The following KAZN variants were observed in gnomAD, a reference collection of about 807,000 sequenced individuals.
KAZN encodes kazrin.
Under a neutral mutation model 87.4 loss-of-function variants are expected in KAZN, and 40 were observed. The ratio of observed to expected loss-of-function variants is 0.46; its 90% CI spans 0.36 to 0.60. The LOEUF is 0.60. KAZN is among the 20% of genes least tolerant of loss of function. KAZN has a pLI of 0.00. For synonymous variants in KAZN, 466 were observed against 458.3 expected (o/e 1.02, Z -0.22); for missense variants, 898 against 1,073.9 (o/e 0.84, Z 2.29).
intron 1 of KAZN, among the ~76,000 whole-genome samples, chr1:14,067,641 C>G (rs183209511): frequency 1.3e-5 from 2 of 152,094 alleles, no homozygotes; most frequent in African/African-American, 4.8e-5. Context: ...TGTCCCCCCC[C>G]ATACTGCTTC....
intron 2 of KAZN, among the ~76,000 whole-genome samples, chr1:14,583,701 T>G (rs1473968944): frequency 6.6e-6 from 1 of 152,188 alleles, no homozygotes; most frequent in East Asian, 1.9e-4. Context: ...TGGCTGATAT[T>G]CCTGGTCTTG....
At chr1:13,955,212 G>A (rs569226387) in intron 1 of KAZN, among the ~76,000 whole-genome samples, 9 of 152,066 alleles carry the variant, frequency 5.9e-5, no homozygotes, top group South Asian at 2.1e-4. Context: ...GTTGTCTGTC[G>A]TGGTATTTCA....
chr1:14,695,508 A>ATTTTTTTTTTTTTTTTT (rs1230082930), intron 1 of KAZN, among the ~76,000 whole-genome samples: 1 of 67,782 alleles, frequency 1.5e-5, no homozygotes, highest in Non-Finnish European at 3.3e-5. Flanking sequence ...ACTACATTCC[A>ATTTTTTTTTTTTTTTTT]TCTTTTTTTT....
chr1:15,064,876 A>G (rs780106846), intron 7 of KAZN, among the ~76,000 whole-genome samples: 83 of 152,174 alleles, frequency 5.5e-4, no homozygotes, highest in Non-Finnish European at 1.1e-3. Flanking sequence ...GGCCGAGTGC[A>G]TGGACATCCT....
intron 2 of KAZN, among the ~76,000 whole-genome samples, chr1:14,232,345 A>G (rs762542085): frequency 6.6e-6 from 1 of 152,166 alleles, no homozygotes; most frequent in Non-Finnish European, 1.5e-5. Context: ...AAATATTGAA[A>G]AAAGTTAGTA....
intron 2 of KAZN, among the ~76,000 whole-genome samples, chr1:14,198,806 G>A (rs972880702): frequency 5.3e-5 from 8 of 152,100 alleles, no homozygotes; most frequent in African/African-American, 1.9e-4. Context: ...ACCCTCTAAG[G>A]TAGGGTTGTC....
chr1:14,065,285 G>T (rs1393687746), intron 1 of KAZN, among the ~76,000 whole-genome samples: 1 of 152,132 alleles, frequency 6.6e-6, no homozygotes, highest in African/African-American at 2.4e-5. Flanking sequence ...AAATGGGCTG[G>T]GGTGAATTTT....
Position 15,096,197 on chromosome 1 carries a change from G to C in KAZN, c.1547+1264G>C, listed in dbSNP as rs2100690296. On this transcript the variant is annotated intron_variant, in intron 10 of 14. Transcript: ENST00000376030. This position sits in a 1 kb window ranked among gnomAD's most constrained non-coding sequence, Gnocchi z 4.5. Reference sequence around the variant, plus strand: ...TGCCCCCTTACCCCACACCCAGCAGGGTCCATAAACACTGCCTGTGTTCAA... The same window carrying C: ...TGCCCCCTTACCCCACACCCAGCAGCGTCCATAAACACTGCCTGTGTTCAA... Among the ~76,000 whole-genome samples, 2 of 152,262 alleles carry C rather than the reference G, an allele frequency of 1.3e-5. No individual in the cohort carries two copies. The highest frequency in any genetic ancestry group is 6.8e-3 in the Middle Eastern group (2 of 294).
intron 1 of KAZN, among the ~76,000 whole-genome samples, chr1:14,796,061 C>T (rs1237524600): frequency 6.6e-6 from 1 of 152,188 alleles, no homozygotes; most frequent in East Asian, 1.9e-4. Flanking sequence ...CTATCCTCTG[C>T]CTGAGGTAGG....
intron 2 of KAZN, among the ~76,000 whole-genome samples, chr1:14,495,683 T>G: frequency 6.6e-6 from 1 of 152,306 alleles, no homozygotes. Context: ...CCTTCTTTAT[T>G]AGAAGTAGCC....
chr1:14,179,892 T>C (rs1191980899), intron 1 of KAZN, among the ~76,000 whole-genome samples: 2 of 152,186 alleles, frequency 1.3e-5, no homozygotes, highest in Non-Finnish European at 2.9e-5. Context: ...GTAAGTGCTA[T>C]GGGAATTATA....
At chr1:14,150,967 C>CAA (rs1645460007) in intron 1 of KAZN, among the ~76,000 whole-genome samples, 1 of 151,022 alleles carries the variant, frequency 6.6e-6, no homozygotes, top group Non-Finnish European at 1.5e-5. Context: ...CATTGTCATA[C>CAA]ACACACACAC....
intron 2 of KAZN, among the ~76,000 whole-genome samples, chr1:14,533,329 G>C (rs923821035): frequency 6.6e-6 from 1 of 152,198 alleles, no homozygotes; most frequent in Non-Finnish European, 1.5e-5. Context: ...CTAGCAACTA[G>C]AGACAGAAAA....
intron 2 of KAZN, among the ~76,000 whole-genome samples, chr1:14,520,167 C>A (rs934287312): frequency 6.6e-6 from 1 of 152,076 alleles, no homozygotes; most frequent in Non-Finnish European, 1.5e-5. Context: ...CCAGTGGTGT[C>A]CAGTCCTGGC....
chr1:14,070,894 C>T (rs1265138505), intron 1 of KAZN, among the ~76,000 whole-genome samples: 2 of 152,058 alleles, frequency 1.3e-5, no homozygotes, highest in Admixed American at 6.6e-5. Context: ...ATCGAGGTAT[C>T]GTCATTCCAT....
chr1:14,535,901 C>T (rs1219250910), intron 2 of KAZN, among the ~76,000 whole-genome samples: 3 of 152,210 alleles, frequency 2.0e-5, no homozygotes, highest in South Asian at 2.1e-4. Flanking sequence ...ATTGTGGGAC[C>T]AAATCAGGAA....
At chr1:13,979,064 C>A (rs1017834872) in intron 1 of KAZN, among the ~76,000 whole-genome samples, 1 of 151,726 alleles carries the variant, frequency 6.6e-6, no homozygotes. Context: ...CCACTATACT[C>A]CAGCCTTGGT....
At chr1:14,249,868 G>GA (rs111284230) in intron 2 of KAZN, among the ~76,000 whole-genome samples, 4,615 of 146,638 alleles carry the variant, frequency 0.031, 213 homozygotes, top group African/African-American at 0.099. Flanking sequence ...AATACTAAGT[G>GA]AAAAAAAAAA....
At chr1:13,970,383 G>A (rs139835206) in intron 1 of KAZN, among the ~76,000 whole-genome samples, 1 of 152,302 alleles carries the variant, frequency 6.6e-6, no homozygotes. Flanking sequence ...GGAAAGATAT[G>A]CTCTTATTAT....
Sources: allele counts gnomAD v4.1 joint callset (sites outside exome capture counted in the v4.1 genomes callset), GRCh38; gene constraint gnomAD v4.1.1; non-coding constraint Gnocchi (gnomAD v3.1); transcripts MANE v1.5; gene names NCBI Gene and HGNC (gene_info 2026-07-23, HGNC 2026-07-21).